The following PIGF variants were observed in gnomAD, a reference collection of about 807,000 sequenced individuals.
PIGF encodes the protein GPI ethanolamine phosphate transferase, stabilizing subunit.
In PIGF, 23 loss-of-function variants were observed where a neutral mutation model predicts 26.0. That is an observed-to-expected ratio of 0.88 (90% CI 0.64 to 1.25). The LOEUF (loss-of-function observed/expected upper bound fraction) is 1.25, where lower values mean the gene tolerates loss of function less well. PIGF is among the 50% of genes most tolerant of loss of function. The pLI, the probability that PIGF is intolerant of heterozygous loss-of-function variation, is 0.00. For missense variants in PIGF, 278 were observed against 249.9 expected (o/e 1.11, Z -0.76); for synonymous variants, 93 against 92.6 (o/e 1.00, Z -0.03).
At chr2:46,602,536 A>G (rs1229159933) in intron 4 of PIGF, among the ~76,000 whole-genome samples, 1 of 152,008 alleles carries the variant, frequency 6.6e-6, no homozygotes, top group East Asian at 1.9e-4. Flanking sequence ...GAACATCTGA[A>G]TTATTCACAT....
In PIGF at chr2:46,592,548, G is replaced by C; in HGVS notation, c.473C>G (p.Thr158Ser). 1 of 1,606,030 alleles carries C rather than the reference G, an allele frequency of 6.2e-7. No homozygotes were observed. Among genetic ancestry groups the C allele is most frequent in the Non-Finnish European group, 8.5e-7 (1 of 1,172,636 alleles). Residue 158 changes from threonine (T) to serine (S), a missense_variant, in exon 5 of 6, where the codon ACT becomes AGT. Physicochemically the swap from Thr to Ser is moderately conservative, Grantham distance 58 (BLOSUM62 1). Coordinates refer to ENST00000281382, the MANE Select transcript of PIGF (RefSeq NM_002643.4). ...TSIWENSLQI[T>S]TISSFVGAWL... ...TGCTCCTACAAAGCTAGAAATTGTA[G>C]TGATCTGGAGACTATTCTCCCATAT...
intron 5 of PIGF, chr2:46,582,051 T>C (rs190671413): frequency 6.4e-6 from 1 of 155,400 alleles, no homozygotes; most frequent in Non-Finnish European, 1.4e-5. Context: ...TCCAAGCGTG[T>C]TACATGAAAA....
chr2:46,611,623 G>T (rs934340723), intron 4 of PIGF, among the ~76,000 whole-genome samples: 1 of 151,902 alleles, frequency 6.6e-6, no homozygotes, highest in Non-Finnish European at 1.5e-5. Flanking sequence ...ATAACCTTCT[G>T]GCTTTCTTAG....
Position 46,605,269 on chromosome 2 carries a change from TAAG to T in PIGF, c.437+6956_437+6958del, listed in dbSNP as rs527698836. 1.2e-3 allele frequency among the ~76,000 whole-genome samples: 180 copies of T among 152,212 alleles called. No homozygotes were observed. The South Asian group carries it at 0.018, about 15-fold the overall frequency. ...AAATTTGGAAGTATAATAAAAGTAC[TAAG>T]AAGAAGTGAACTAACTCTAGTGTAT... is the stretch of plus-strand genomic sequence containing the variant. On this transcript the variant is annotated intron_variant, in intron 4 of 5. Transcript: ENST00000281382.
In PIGF at chr2:46,596,840, T is replaced by C. The variant is rs577013505; in HGVS notation, c.438-4257A>G. On this transcript the variant is annotated intron_variant, in intron 4 of 5. Coordinates refer to ENST00000281382, the MANE Select transcript of PIGF (RefSeq NM_002643.4). ...CATCTCCTCCTTTCAACCGAATCAA[T>C]AGTAATGTCTACGTTATGATGATTA... Among the ~76,000 whole-genome samples the C allele has an allele frequency of 5.3e-5, 8 of 152,288 alleles. No individual in the cohort carries two copies. In the East Asian group the frequency reaches 1.2e-3, roughly 22 times the overall value.
intron 4 of PIGF, among the ~76,000 whole-genome samples, chr2:46,609,614 C>T (rs183253742): frequency 6.6e-6 from 1 of 152,018 alleles, no homozygotes; most frequent in Non-Finnish European, 1.5e-5. Flanking sequence ...TTTCCTTTCA[C>T]TTGAACACTT....
intron 5 of PIGF, among the ~76,000 whole-genome samples, chr2:46,590,023 A>C (rs1669681165): frequency 6.6e-6 from 1 of 152,114 alleles, no homozygotes; most frequent in Non-Finnish European, 1.5e-5. Context: ...AAAGGTTTAC[A>C]GTGAATACGT....
At chr2:46,612,700 C>T (rs111938726) in intron 3 of PIGF, among the ~76,000 whole-genome samples, 26 of 152,040 alleles carry the variant, frequency 1.7e-4, no homozygotes, top group Non-Finnish European at 3.1e-4. Flanking sequence ...GTTCAATACA[C>T]TATTGAACCA....
At chr2:46,595,817 T>C (rs1435857246) in intron 4 of PIGF, among the ~76,000 whole-genome samples, 1 of 152,230 alleles carries the variant, frequency 6.6e-6, no homozygotes, top group African/African-American at 2.4e-5. Flanking sequence ...AATGGTATCA[T>C]GGTGATAGAT....
At chr2:46,612,796 A>G (rs537055793) in intron 3 of PIGF, among the ~76,000 whole-genome samples, 1 of 152,152 alleles carries the variant, frequency 6.6e-6, no homozygotes, top group Non-Finnish European at 1.5e-5. Context: ...AGAGCTGGAT[A>G]AACTAAAGAT....
At chr2:46,603,678 C>T (rs1172941960) in intron 4 of PIGF, among the ~76,000 whole-genome samples, 3 of 151,982 alleles carry the variant, frequency 2.0e-5, no homozygotes, top group Non-Finnish European at 4.4e-5. Flanking sequence ...AACTAGACCC[C>T]TAACTCTCGC....
chr2:46,601,819 T>C (rs1004477575), intron 4 of PIGF, among the ~76,000 whole-genome samples: 1 of 152,024 alleles, frequency 6.6e-6, no homozygotes, highest in Non-Finnish European at 1.5e-5. Context: ...ATAGGTCTTA[T>C]TGAATGTTTT....
At chr2:46,586,762 C>G (rs1000536083) in intron 5 of PIGF, among the ~76,000 whole-genome samples, 1 of 152,144 alleles carries the variant, frequency 6.6e-6, no homozygotes, top group Non-Finnish European at 1.5e-5. Context: ...TGGTCTTGAA[C>G]AGTATGTTTT....
intron 1 of PIGF, chr2:46,616,212 C>G (rs751213769): frequency 7.2e-5 from 11 of 152,194 alleles, no homozygotes; most frequent in Non-Finnish European, 1.0e-4. Flanking sequence ...GGTCCAAGGT[C>G]CCATGCGCTA....
At chr2:46,592,000 C>G (rs567184016) in intron 5 of PIGF, 1 of 1,278,744 alleles carries the variant, frequency 7.8e-7, no homozygotes, top group African/African-American at 1.5e-5. Context: ...ACCACAAGGG[C>G]AATAAATATC....
Position 46,592,564 on chromosome 2 carries a change from T to C in PIGF, c.457A>G (p.Asn153Asp), listed in dbSNP as rs148661288. Residue 153 changes from asparagine (N) to aspartate (D), a missense_variant, in exon 5 of 6, where the codon AAT becomes GAT. Transcript: ENST00000281382. ...GAAATTGTAGTGATCTGGAGACTAT[T>C]CTCCCATATGGATGTAACTCTGTGA... ...SRNGVTSIWENSLQITTISSF... is the reference protein window; with the variant it reads ...SRNGVTSIWEDSLQITTISSF... 9.8e-5 allele frequency: 156 copies of C among 1,592,412 alleles called. No homozygotes were observed. Among genetic ancestry groups the C allele is most frequent in the Admixed American group, 5.7e-4 (34 of 60,002 alleles).
chr2:46,598,805 C>T (rs1277655643), intron 4 of PIGF, among the ~76,000 whole-genome samples: 2 of 152,142 alleles, frequency 1.3e-5, no homozygotes, highest in African/African-American at 2.4e-5. Flanking sequence ...CTGAATTATA[C>T]ACTTTGAGTG....
Position 46,593,547 on chromosome 2 carries a change from C to T in PIGF, c.438-964G>A, listed in dbSNP as rs148508141. ...CAAAAGATCTGGTGATTCTGCCTACCGTTCCTATTTACTAAGTGCACATCT... is the reference window on the plus strand; with the variant it reads ...CAAAAGATCTGGTGATTCTGCCTACTGTTCCTATTTACTAAGTGCACATCT... On this transcript the variant is annotated intron_variant, in intron 4 of 5. Coordinates refer to ENST00000281382, the MANE Select transcript of PIGF (RefSeq NM_002643.4). Among the ~76,000 whole-genome samples the T allele has an allele frequency of 8.2e-3, 1,248 of 152,280 alleles. 18 individuals are homozygous for T. The highest frequency in any genetic ancestry group is 0.029 in the African/African-American group (1,190 of 41,550).
At position 46,616,983 on chromosome 2, in the gene PIGF, C is replaced by T; in HGVS notation, c.-35G>A. ...AGCGGGGCTTACCTAACTCTCCCTC[C>T]CGCGGAAGGGAAGCGGGGAACTACT... On this transcript the variant is annotated 5_prime_UTR_variant, in exon 1 of 6. Coordinates refer to ENST00000281382, the MANE Select transcript of PIGF (RefSeq NM_002643.4). 1.9e-6 allele frequency: 1 copy of T among 540,164 alleles called. No individual in the cohort carries two copies. The highest frequency in any genetic ancestry group is 3.3e-6 in the Non-Finnish European group (1 of 302,614). The allele number at this position is 540,164 out of a possible 1,614,324, so 33.5% of individuals were successfully genotyped here.
Sources: gnomAD v4.1 joint callset for allele counts (sites outside exome capture counted in the v4.1 genomes callset) on GRCh38, gnomAD v4.1.1 for gene constraint, MANE v1.5 for transcripts, NCBI Gene and HGNC (gene_info 2026-07-23, HGNC 2026-07-21) for gene names.